The following NRXN1 variants were observed in gnomAD, a reference collection of about 807,000 sequenced individuals.
NRXN1 encodes neurexin-1.
A neutral mutation model predicts 150.9 loss-of-function variants in NRXN1; 39 were observed. The ratio of observed to expected loss-of-function variants is 0.26; its 90% CI spans 0.20 to 0.34. The LOEUF (loss-of-function observed/expected upper bound fraction) is 0.34, where lower values mean the gene tolerates loss of function less well. Ranked by LOEUF, NRXN1 falls within the 10% of genes least tolerant of loss-of-function variation. The pLI is 1.00. For missense variants in NRXN1, 1,815 were observed against 1,949.9 expected (o/e 0.93, Z 1.30); for synonymous variants, 924 against 757.0 (o/e 1.22, Z -3.62).
At chr2:50,528,749 C>T (rs1368484376) in intron 11 of NRXN1, 98 bp from the exon 12 acceptor site, 1 of 709,430 alleles carries the variant, frequency 1.4e-6, no homozygotes, top group Non-Finnish European at 2.4e-6. Context: ...CGGGGACAGA[C>T]ACATGCAAAT....
intron 22 of NRXN1, among the ~76,000 whole-genome samples, chr2:49,938,458 G>GTAC (rs1471462041): frequency 1.3e-5 from 2 of 152,152 alleles, no homozygotes; most frequent in African/African-American, 4.8e-5. Context: ...TTGAGTGGTT[G>GTAC]TACTGATGAC....
intron 5 of NRXN1, among the ~76,000 whole-genome samples, chr2:50,669,384 C>G (rs1186011859): frequency 6.6e-6 from 1 of 151,878 alleles, no homozygotes; most frequent in Non-Finnish European, 1.5e-5. Context: ...ATACTCATTG[C>G]AATAGAAATA....
intron 5 of NRXN1, among the ~76,000 whole-genome samples, chr2:50,860,190 G>A (rs1472525408): frequency 6.6e-6 from 1 of 151,592 alleles, no homozygotes; most frequent in Non-Finnish European, 1.5e-5. Context: ...GATCAGCCTT[G>A]TGCCAGTTGC....
intron 17 of NRXN1, 70 bp from the exon 18 acceptor site, chr2:50,237,040 T>TTGATACTTTAC: frequency 7.1e-7 from 1 of 1,416,456 alleles, no homozygotes; most frequent in Non-Finnish European, 9.9e-7. Flanking sequence ...GCATGTTATA[T>TTGATACTTTAC]TGATATATCA....
intron 18 of NRXN1, among the ~76,000 whole-genome samples, chr2:50,136,916 T>C (rs951200703): frequency 3.9e-5 from 6 of 152,206 alleles, no homozygotes; most frequent in East Asian, 1.9e-4. Context: ...GAATAATCTA[T>C]AAAAACTAAT....
At chr2:50,415,547 G>C (rs1193823736) in intron 17 of NRXN1, among the ~76,000 whole-genome samples, 1 of 152,160 alleles carries the variant, frequency 6.6e-6, no homozygotes, top group African/African-American at 2.4e-5. Flanking sequence ...CATGGATAAT[G>C]ATTTGAATTT....
chr2:50,808,098 C>G (rs546854048), intron 5 of NRXN1, among the ~76,000 whole-genome samples: 1 of 152,012 alleles, frequency 6.6e-6, no homozygotes, highest in Non-Finnish European at 1.5e-5. Context: ...ACTTTTATAA[C>G]TATGAGTGAG....
At position 50,443,830 on chromosome 2, in the gene NRXN1, C is replaced by T. The variant is rs561390826; in HGVS notation, c.3364+21612G>A. Among the ~76,000 whole-genome samples, 5 of 152,258 alleles carry T rather than the reference C, an allele frequency of 3.3e-5. No homozygotes were observed. In the East Asian group the frequency reaches 7.7e-4, roughly 23 times the overall value. On this transcript the variant is annotated intron_variant, in intron 17 of 22. Transcript: ENST00000401669. ...TAAAACCTTCCAGACTTTCAATATA[C>T]ACTTTATAAAATCTGTCCTCTGTTG...
At chr2:50,312,223 C>A (rs1226055917) in intron 17 of NRXN1, among the ~76,000 whole-genome samples, 3 of 152,248 alleles carry the variant, frequency 2.0e-5, no homozygotes, top group African/African-American at 7.2e-5. Context: ...TTCTACCTCA[C>A]AGGAGGAACC....
intron 18 of NRXN1, among the ~76,000 whole-genome samples, chr2:50,174,024 C>A (rs2060192132): frequency 6.6e-6 from 1 of 151,998 alleles, no homozygotes; most frequent in Admixed American, 6.6e-5. Flanking sequence ...ATATATCAAT[C>A]CCCTTCCCCA....
intron 5 of NRXN1, among the ~76,000 whole-genome samples, chr2:50,748,596 A>T (rs935667592): frequency 2.6e-5 from 4 of 152,058 alleles, no homozygotes; most frequent in Non-Finnish European, 5.9e-5. Context: ...CCAACAGTTT[A>T]CAGGGCTCCG....
intron 5 of NRXN1, among the ~76,000 whole-genome samples, chr2:50,743,783 A>G (rs1265248657): frequency 6.6e-6 from 1 of 152,174 alleles, no homozygotes; most frequent in Non-Finnish European, 1.5e-5. Flanking sequence ...TCTACCTTGA[A>G]AAGAAGTAAG....
intron 18 of NRXN1, among the ~76,000 whole-genome samples, chr2:50,212,469 T>C (rs2063103852): frequency 6.6e-6 from 1 of 151,776 alleles, no homozygotes; most frequent in Non-Finnish European, 1.5e-5. Context: ...GAGTCTGGTT[T>C]TTTTTTTCTC....
chr2:50,706,880 A>G (rs947101674), intron 5 of NRXN1, among the ~76,000 whole-genome samples: 10 of 150,736 alleles, frequency 6.6e-5, no homozygotes, highest in African/African-American at 2.2e-4. Context: ...TTGACAATTT[A>G]TCCTTCATTG....
intron 21 of NRXN1, among the ~76,000 whole-genome samples, chr2:50,024,290 C>T (rs1450945833): frequency 1.3e-5 from 2 of 152,184 alleles, no homozygotes; most frequent in Non-Finnish European, 2.9e-5. Flanking sequence ...ACCGTGACTA[C>T]TCACCTACTC....
intron 2 of NRXN1, among the ~76,000 whole-genome samples, chr2:50,948,097 C>T (rs554015705): frequency 7.9e-5 from 12 of 151,964 alleles, no homozygotes; most frequent in South Asian, 2.1e-4. Context: ...ATCCTTACAA[C>T]GCATATGGCA....
At chr2:49,931,552 T>C (rs1332026100) in intron 22 of NRXN1, among the ~76,000 whole-genome samples, 1 of 151,962 alleles carries the variant, frequency 6.6e-6, no homozygotes, top group Admixed American at 6.6e-5. Context: ...TAGAAATTTC[T>C]AGGGTGCTTT....
intron 17 of NRXN1, among the ~76,000 whole-genome samples, chr2:50,342,104 T>C (rs941329345): frequency 1.3e-5 from 2 of 152,244 alleles, no homozygotes; most frequent in African/African-American, 4.8e-5. Context: ...CCATGGTACC[T>C]GGTACACAAA....
intron 18 of NRXN1, among the ~76,000 whole-genome samples, chr2:50,173,515 C>T (rs557396069): frequency 6.6e-6 from 1 of 152,216 alleles, no homozygotes; most frequent in Admixed American, 6.5e-5. Flanking sequence ...GTTCATTCAG[C>T]CCACAAGAAA....
Sources: gnomAD v4.1 joint callset for allele counts (sites outside exome capture counted in the v4.1 genomes callset) on GRCh38, gnomAD v4.1.1 for gene constraint, MANE v1.5 for transcripts, NCBI Gene and HGNC (gene_info 2026-07-23, HGNC 2026-07-21) for gene names.